HECW1: variants seen among roughly 807,000 people sequenced by gnomAD.
HECW1 encodes the protein HECT, C2 and WW domain containing E3 ubiquitin protein ligase 1.
HECW1 carries 61 observed loss-of-function variants against 182.3 expected under a neutral mutation model. The observed-to-expected ratio is 0.33, with a 90% CI of 0.27 to 0.41. The LOEUF is 0.41. Among genes scored for constraint, HECW1 ranks in the 10% least tolerant of loss-of-function variants. HECW1 has a pLI of 1.00. For missense variants in HECW1, 1,739 were observed against 2,108.9 expected (o/e 0.82, Z 3.44); for synonymous variants, 859 against 832.6 (o/e 1.03, Z -0.55).
At chr7:43,205,488 A>G (rs185321534) in intron 2 of HECW1, among the ~76,000 whole-genome samples, 4 of 152,258 alleles carry the variant, frequency 2.6e-5, no homozygotes. Flanking sequence ...AGTGGGGTGG[A>G]TGAAATCACT....
At chr7:43,222,355 T>C (rs1021580199) in intron 2 of HECW1, among the ~76,000 whole-genome samples, 1 of 152,246 alleles carries the variant, frequency 6.6e-6, no homozygotes, top group Admixed American at 6.5e-5. Context: ...TTGCACATCT[T>C]TCAAAGATTA....
At chr7:43,298,751 T>C (rs1355338612) in intron 3 of HECW1, among the ~76,000 whole-genome samples, 1 of 152,222 alleles carries the variant, frequency 6.6e-6, no homozygotes, top group Admixed American at 6.5e-5. Context: ...AGAAGCAGTG[T>C]GAATGGCAAG....
chr7:43,166,123 G>A lies in HECW1; in HGVS notation c.-32+51732G>A, dbSNP rs192510738. Among the ~76,000 whole-genome samples, 163 of 152,112 alleles carry A rather than the reference G, an allele frequency of 1.1e-3. 1 individual carries two copies. The highest frequency in any genetic ancestry group is 3.7e-3 in the African/African-American group (154 of 41,486). ...TTTTGAGACAGAGTTTCACTCTTTC[G>A]CCCAGGCTGGAGTGAAGTGGTGCTA... On this transcript the variant is annotated intron_variant, in intron 2 of 29. Coordinates refer to ENST00000395891, the MANE Select transcript of HECW1 (RefSeq NM_015052.5).
At chr7:43,450,774 T>A (rs1335037006) in intron 11 of HECW1, 54 bp from the exon 12 acceptor site, 1 of 1,117,432 alleles carries the variant, frequency 8.9e-7, no homozygotes, top group Non-Finnish European at 1.4e-6. Context: ...GCTTTTTTGA[T>A]GATGTTGCCA....
chr7:43,393,388 GTGAGTATAGC>G (rs1201580701), intron 6 of HECW1, among the ~76,000 whole-genome samples: 1 of 152,202 alleles, frequency 6.6e-6, no homozygotes, highest in Admixed American at 6.5e-5. Context: ...GAGTCTGTCT[GTGAGTATAGC>G]ATATTTCTCA....
At chr7:43,333,833 T>C (rs750565678) in intron 5 of HECW1, among the ~76,000 whole-genome samples, 1 of 152,166 alleles carries the variant, frequency 6.6e-6, no homozygotes, top group African/African-American at 2.4e-5. Flanking sequence ...TCAACTGACC[T>C]ATCTACCTTC....
intron 8 of HECW1, among the ~76,000 whole-genome samples, chr7:43,434,451 G>T (rs1395627891): frequency 6.6e-6 from 1 of 152,222 alleles, no homozygotes; most frequent in Non-Finnish European, 1.5e-5. Context: ...ACTTGGATGT[G>T]CAGAGCTAGG....
At position 43,388,000 on chromosome 7, in the gene HECW1, G is replaced by A. The variant is rs116676027; in HGVS notation, c.556-8814G>A. On this transcript the variant is annotated intron_variant, in intron 6 of 29. Transcript: ENST00000395891. ...TACACATTATGCCATTCCGTTCTCA[G>A]GGGAACTCAGTGAGATACGTTTTAT... Among the ~76,000 whole-genome samples the A allele has an allele frequency of 2.9e-3, 447 of 152,344 alleles. 1 individual carries two copies. Among genetic ancestry groups the A allele is most frequent in the African/African-American group, 9.0e-3 (373 of 41,570 alleles).
At position 43,562,622 on chromosome 7, in the gene HECW1, A is replaced by G. The variant is rs530116756; in HGVS notation, c.*696A>G. On this transcript the variant is annotated 3_prime_UTR_variant, in exon 30 of 30. Transcript: ENST00000395891. ...TGCTGATGCAATGCAATGCATCCCA[A>G]TGGTTGTGGGGATTGTGGGCTCAAC... The G allele has an allele frequency of 4.4e-6, 1 of 226,956 alleles. No homozygotes were observed. Among genetic ancestry groups the G allele is most frequent in the Non-Finnish European group, 8.8e-6 (1 of 113,790 alleles). 14.1% of individuals were successfully genotyped at this position (226,956 alleles called of 1,614,324 possible).
At chr7:43,282,402 G>A (rs945048301) in intron 3 of HECW1, among the ~76,000 whole-genome samples, 4 of 152,208 alleles carry the variant, frequency 2.6e-5, no homozygotes, top group African/African-American at 9.7e-5. Context: ...GGCGACAAGG[G>A]TCAGATCTGC....
At chr7:43,519,402 C>T (rs954770662) in intron 24 of HECW1, among the ~76,000 whole-genome samples, 4 of 152,122 alleles carry the variant, frequency 2.6e-5, no homozygotes, top group Admixed American at 2.6e-4. Flanking sequence ...CCCACTATCA[C>T]ACCCGGCTAA....
Position 43,463,739 on chromosome 7 carries a change from G to A in HECW1, c.2731G>A (p.Ala911Thr), listed in dbSNP as rs868401565. ...SGSQSCEQAP[A>T]GGGGGGGSDS... ...CAGCCAAAGCTGCGAGCAAGCCCCA[G>A]CAGGAGGAGGCGGAGGTGGAGGGAG... Residue 911 changes from alanine (A) to threonine (T), a missense_variant, in exon 14 of 30, where the codon GCA (alanine) becomes ACA (threonine). By Grantham distance (58) the Ala-to-Thr change is moderately conservative. This residue lies in a region of HECW1 where 971 missense variants were observed against 1,029.1 expected (regional missense o/e 0.94). Coordinates refer to ENST00000395891, the MANE Select transcript of HECW1 (RefSeq NM_015052.5). 4 of 1,613,946 alleles carry A rather than the reference G, an allele frequency of 2.5e-6. No homozygotes were observed. The African/African-American group carries it at 4.0e-5, about 16-fold the overall frequency.
intron 2 of HECW1, among the ~76,000 whole-genome samples, chr7:43,187,299 C>A (rs1793500203): frequency 6.6e-6 from 1 of 152,072 alleles, no homozygotes; most frequent in African/African-American, 2.4e-5. Context: ...ACTCTATTCT[C>A]TTCACTAGAA....
chr7:43,129,343 A>G (rs927726473), intron 2 of HECW1, among the ~76,000 whole-genome samples: 1 of 152,154 alleles, frequency 6.6e-6, no homozygotes, highest in Non-Finnish European at 1.5e-5. Context: ...GAGGCAAGAC[A>G]CTCCACCAGC....
intron 3 of HECW1, among the ~76,000 whole-genome samples, chr7:43,299,406 C>A (rs1430861065): frequency 6.6e-6 from 1 of 152,158 alleles, no homozygotes; most frequent in Non-Finnish European, 1.5e-5. Context: ...TAGAGATGGA[C>A]TGCACGAAAA....
intron 17 of HECW1, among the ~76,000 whole-genome samples, chr7:43,489,515 G>T (rs2078847571): frequency 6.6e-6 from 1 of 152,166 alleles, no homozygotes; most frequent in Non-Finnish European, 1.5e-5. Flanking sequence ...CTAAACCCTG[G>T]TGTCTGGCTT....
At position 43,540,471 on chromosome 7, in the gene HECW1, T is replaced by C. The variant is rs559890301; in HGVS notation, c.4020-692T>C. On this transcript the variant is annotated intron_variant, in intron 24 of 29. Coordinates refer to ENST00000395891, the MANE Select transcript of HECW1 (RefSeq NM_015052.5). ...CTCAGCATTTTGCTAAGCAGGTTACTTGCAAAATGCTCAGGAAGTCAATGC... is the reference window on the plus strand; with the variant it reads ...CTCAGCATTTTGCTAAGCAGGTTACCTGCAAAATGCTCAGGAAGTCAATGC... Among the ~76,000 whole-genome samples the C allele has an allele frequency of 4.1e-4, 63 of 152,336 alleles. 1 individual carries two copies. The highest frequency in any genetic ancestry group is 1.1e-3 in the African/African-American group (47 of 41,584).
chr7:43,445,089 C>T lies in HECW1; in HGVS notation c.1917C>T (p.Ser639=). The T allele has an allele frequency of 1.9e-6, 3 of 1,603,812 alleles. No homozygotes were observed. The highest frequency in any genetic ancestry group is 1.1e-5 in the South Asian group (1 of 90,480). Residue 639 remains serine, a synonymous_variant, in exon 11 of 30, where the codon AGC becomes AGT. Coordinates refer to ENST00000395891, the MANE Select transcript of HECW1 (RefSeq NM_015052.5). ...HPGHSGGHFP[S]LANGAAQDGD... ...GCCACTCCGGGGGCCACTTCCCCAG[C>T]CTGGCCAATGGCGCGGCCCAGGATG...
chr7:43,175,167 T>C (rs1315455461), intron 2 of HECW1, among the ~76,000 whole-genome samples: 2 of 151,858 alleles, frequency 1.3e-5, no homozygotes, highest in Non-Finnish European at 2.9e-5. Context: ...TACAACACGA[T>C]GTGTGTGTAC....
Sources: gnomAD v4.1 joint callset for allele counts (sites outside exome capture counted in the v4.1 genomes callset) on GRCh38, gnomAD v4.1.1 for gene constraint, gnomAD v4.1.1 regional missense constraint, MANE v1.5 for transcripts, NCBI Gene and HGNC (gene_info 2026-07-23, HGNC 2026-07-21) for gene names.